STAT3: variants seen among roughly 807,000 people sequenced by gnomAD.
The protein encoded by STAT3 is signal transducer and activator of transcription 3, also known as DNA-binding protein APRF.
STAT3 carries 7 observed loss-of-function variants against 114.3 expected under a neutral mutation model. That is an observed-to-expected ratio of 0.06 (90% CI 0.03 to 0.11). STAT3 has a LOEUF of 0.11. Among genes scored for constraint, STAT3 ranks in the 10% least tolerant of loss-of-function variants. The probability of loss-of-function intolerance (pLI) is 1.00; values close to 1 mark genes in which losing one functional copy is unlikely to be tolerated. For synonymous variants in STAT3, 331 were observed against 354.5 expected, an observed-to-expected ratio of 0.93 and a Z score of 0.74; for missense variants, 364 against 960.9, an observed-to-expected ratio of 0.38 and a Z score of 8.21.
intron 1 of STAT3, among the ~76,000 whole-genome samples, chr17:42,385,245 A>C (rs2085032472): frequency 6.6e-6 from 1 of 152,164 alleles, no homozygotes; most frequent in African/African-American, 2.4e-5. Flanking sequence ...AAGGTGGTTC[A>C]CGCCTGTAAT....
chr17:42,323,373 G>C lies in STAT3; in HGVS notation c.1654-19C>G. The stretch of plus-strand genomic sequence containing the variant: ...TGTTTTCCTGGAGAAAAGAGTAATG[G>C]GAAAGCCAAGTCTACTGCCATCCCA... On this transcript the variant is annotated intron_variant, in intron 18 of 23. Coordinates refer to ENST00000264657, the MANE Select transcript of STAT3 (RefSeq NM_139276.3). 2 of 1,613,520 alleles carry C rather than the reference G, an allele frequency of 1.2e-6. No individual in the cohort carries two copies. Among genetic ancestry groups the C allele is most frequent in the Non-Finnish European group, 1.7e-6 (2 of 1,179,476 alleles).
In STAT3 at chr17:42,348,373, C is replaced by T. The variant is rs374330590; in HGVS notation, c.128+16G>A. 1 of 1,613,894 alleles carries T rather than the reference C, an allele frequency of 6.2e-7. No homozygotes were observed. The highest frequency in any genetic ancestry group is 1.3e-5 in the African/African-American group (1 of 74,906). On this transcript the variant is annotated intron_variant, in intron 2 of 23. Transcript: ENST00000264657. ...TGAAACCTAACAATTTGGAGAGTCA[C>T]TTAAGAAGGACTTACCAATCTTGAC... is the stretch of plus-strand genomic sequence containing the variant.
At chr17:42,323,406 C>T (rs761620031) in intron 18 of STAT3, 52 bp from the exon 19 acceptor site, 238 of 1,601,724 alleles carry the variant, frequency 1.5e-4, no homozygotes, top group Non-Finnish European at 1.9e-4. Context: ...CCAGCCCTTC[C>T]CTTCCTAGGG....
intron 14 of STAT3, 80 bp downstream of exon 14, chr17:42,329,330 C>T (rs2144763318): frequency 6.3e-7 from 1 of 1,589,050 alleles, no homozygotes; most frequent in Non-Finnish European, 8.6e-7. Context: ...GTTTCTAATT[C>T]TGGGGATTAA....
At chr17:42,316,385 G>A (rs761768929) in intron 23 of STAT3, 3 of 368,150 alleles carry the variant, frequency 8.1e-6, no homozygotes, top group South Asian at 4.2e-5. Context: ...ACAGGTATGC[G>A]CCACCATGCC....
chr17:42,364,674 A>C (rs779077424), intron 1 of STAT3, among the ~76,000 whole-genome samples: 6 of 152,086 alleles, frequency 3.9e-5, no homozygotes, highest in Non-Finnish European at 7.4e-5. Flanking sequence ...GTAGAGATGG[A>C]GTTTCACCAT....
chr17:42,333,295 T>G lies in STAT3; in HGVS notation c.1049+378A>C, dbSNP rs1376360615. ...TCACCCTACAGGCCCACCACCCACC[T>G]GCCCTGGGGCCTCTCAGCTTCCCCA... On this transcript the variant is annotated intron_variant, in intron 10 of 23. Coordinates refer to ENST00000264657, the MANE Select transcript of STAT3 (RefSeq NM_139276.3). This position sits in a 1 kb window ranked among gnomAD's most constrained non-coding sequence, Gnocchi z 5.2. Among the ~76,000 whole-genome samples, 1 of 152,194 alleles carries G rather than the reference T, an allele frequency of 6.6e-6. No individual in the cohort carries two copies. The highest frequency in any genetic ancestry group is 2.1e-4 in the South Asian group (1 of 4,830).
At chr17:42,358,545 A>G (rs1269103453) in intron 1 of STAT3, among the ~76,000 whole-genome samples, 1 of 152,226 alleles carries the variant, frequency 6.6e-6, no homozygotes, top group East Asian at 1.9e-4. Context: ...AACTAAAACT[A>G]AAACAAGAAA....
rs2144992828 is a variant in STAT3 at position 42,346,702 on chromosome 17, G to A, written c.140C>T (p.Ala47Val). The A allele has an allele frequency of 6.2e-7, 1 of 1,614,064 alleles. No homozygotes were observed. Among genetic ancestry groups the A allele is most frequent in the South Asian group, 1.1e-5 (1 of 91,078 alleles). Residue 47 changes from alanine to valine, a missense_variant, in exon 3 of 24, where the codon GCC becomes GTC. Ala to Val is a moderately conservative substitution (Grantham distance 64). Coordinates refer to ENST00000264657, the MANE Select transcript of STAT3 (RefSeq NM_139276.3). Reference sequence around the variant, plus strand: ...CAAAGTGGCATGTGATTCTTTGCTGGCCGCATATGCCCTAGGAAAAGGAAG... The same window carrying A: ...CAAAGTGGCATGTGATTCTTTGCTGACCGCATATGCCCTAGGAAAAGGAAG... ...WIESQDWAYA[A>V]SKESHATLVF...
intron 4 of STAT3, among the ~76,000 whole-genome samples, chr17:42,339,939 AG>A (rs746135987): frequency 2.0e-5 from 3 of 152,294 alleles, no homozygotes; most frequent in Admixed American, 6.5e-5. Context: ...CTGAAGTGGG[AG>A]GACTGCTTGA....
rs765516506 is a variant in STAT3 at position 42,323,094 on chromosome 17, T to C, written c.1798A>G (p.Thr600Ala). 1 of 1,614,212 alleles carries C rather than the reference T, an allele frequency of 6.2e-7. No homozygotes were observed. Among genetic ancestry groups the C allele is most frequent in the Non-Finnish European group, 8.5e-7 (1 of 1,180,032 alleles). The change falls in exon 20 of 24, where the codon ACT (threonine) becomes GCT (alanine). Residue 600 changes from threonine (T) to alanine (A), a missense_variant. By Grantham distance (58) the Thr-to-Ala change is moderately conservative. Around this residue, in one of 5 missense-constraint regions of STAT3, gnomAD observed 294 missense variants for 745.1 expected, o/e 0.39. Coordinates refer to ENST00000264657, the MANE Select transcript of STAT3 (RefSeq NM_139276.3). ...AGCAGGAAGGTGCCTGGAGGCTTAGTGCTCAAGATGGCCCGCTCCCGCTCC... is the reference window on the plus strand; with the variant it reads ...AGCAGGAAGGTGCCTGGAGGCTTAGCGCTCAAGATGGCCCGCTCCCGCTCC... Reference protein sequence around the residue: ...SKERERAILSTKPPGTFLLRF... With the variant: ...SKERERAILSAKPPGTFLLRF...
intron 11 of STAT3, 124 bp from the exon 12 acceptor site, chr17:42,329,900 T>C (rs1457390745): frequency 4.4e-6 from 5 of 1,123,694 alleles, no homozygotes; most frequent in East Asian, 2.6e-5. Context: ...CTTTAAACTA[T>C]TCAGTTACAG....
In STAT3 at chr17:42,380,362, C is replaced by T. The variant is rs758579120; in HGVS notation, c.-24+7917G>A. ...TATTCCACCTGCCCCTATGTATAAGCGTTACCACCCTAATTATGCTTTTTG... is the reference window on the plus strand; with the variant it reads ...TATTCCACCTGCCCCTATGTATAAGTGTTACCACCCTAATTATGCTTTTTG... On this transcript the variant is annotated intron_variant, in intron 1 of 23. Transcript: ENST00000264657. Among the ~76,000 whole-genome samples, 8 of 150,054 alleles carry T rather than the reference C, an allele frequency of 5.3e-5. No individual in the cohort carries two copies. The East Asian group carries it at 6.1e-4, about 11-fold the overall frequency.
intron 21 of STAT3, among the ~76,000 whole-genome samples, chr17:42,319,293 G>C (rs190373533): frequency 6.6e-6 from 1 of 152,076 alleles, no homozygotes; most frequent in African/African-American, 2.4e-5. Context: ...TATAATCCCA[G>C]CACTTTGGGA....
At chr17:42,342,546 T>C (rs1428390186) in intron 4 of STAT3, among the ~76,000 whole-genome samples, 3 of 151,970 alleles carry the variant, frequency 2.0e-5, no homozygotes, top group Non-Finnish European at 4.4e-5. Flanking sequence ...AGGGTGATGA[T>C]AGTGATGTCA....
At chr17:42,352,670 AT>A (rs964032846) in intron 1 of STAT3, among the ~76,000 whole-genome samples, 3 of 151,376 alleles carry the variant, frequency 2.0e-5, no homozygotes, top group African/African-American at 4.9e-5. Context: ...AAAAAAAAAA[AT>A]CTGCCTCATA....
rs2144775377 is a variant in STAT3 at position 42,329,659 on chromosome 17, G to A, written c.1140-12C>T. ...TAAATTTCCGGGATCTGAATCACAG[G>A]GGAACAATCAACTATGTAGGTGACC... is the stretch of plus-strand genomic sequence containing the variant. On this transcript the variant is annotated splice_polypyrimidine_tract_variant and intron_variant, in intron 12 of 23. Coordinates refer to ENST00000264657, the MANE Select transcript of STAT3 (RefSeq NM_139276.3). 6.2e-7 allele frequency: 1 copy of A among 1,614,138 alleles called. No homozygotes were observed. The highest frequency in any genetic ancestry group is 8.5e-7 in the Non-Finnish European group (1 of 1,179,984).
At position 42,325,070 on chromosome 17, in the gene STAT3, G is replaced by A. The variant is rs375054973; in HGVS notation, c.1366-9C>T. ...ACTGGCAAGGAGTGGGTCTGCGGAG[G>A]GAGTGGGGACTGAGCTGGGGAGGCA... On this transcript the variant is annotated splice_polypyrimidine_tract_variant and intron_variant, in intron 15 of 23. Transcript: ENST00000264657. 6 of 1,613,602 alleles carry A rather than the reference G, an allele frequency of 3.7e-6. No individual in the cohort carries two copies. The African/African-American group carries it at 8.0e-5, about 22-fold the overall frequency.
intron 1 of STAT3, among the ~76,000 whole-genome samples, chr17:42,373,408 C>G (rs1373144828): frequency 6.6e-6 from 1 of 151,500 alleles, no homozygotes; most frequent in Non-Finnish European, 1.5e-5. Flanking sequence ...AAAAACTAGC[C>G]GGGTATGGTG....
Sources: gnomAD v4.1 joint callset for allele counts (sites outside exome capture counted in the v4.1 genomes callset) on GRCh38, gnomAD v4.1.1 for gene constraint, gnomAD v4.1.1 regional missense constraint, Gnocchi (gnomAD v3.1) non-coding constraint, MANE v1.5 for transcripts, NCBI Gene and HGNC (gene_info 2026-07-23, HGNC 2026-07-21) for gene names.